Variants in SUPT3H observed in about 807,000 individuals in gnomAD.
SUPT3H encodes SPT3 homolog, SAGA and STAGA complex component.
Under a neutral mutation model 44.3 loss-of-function variants are expected in SUPT3H, and 44 were observed. The observed-to-expected ratio is 0.99, with a 90% CI of 0.78 to 1.28. The LOEUF (loss-of-function observed/expected upper bound fraction) is 1.28, where lower values mean the gene tolerates loss of function less well. Ranked by LOEUF, SUPT3H falls within the 50% of genes most tolerant of loss-of-function variation. The pLI, the probability that SUPT3H is intolerant of heterozygous loss-of-function variation, is 0.00. For synonymous variants in SUPT3H, 124 were observed against 125.6 expected (o/e 0.99, Z 0.09); for missense variants, 380 against 387.1 (o/e 0.98, Z 0.15).
At chr6:45,243,643 C>T (rs981411196) in intron 2 of SUPT3H, among the ~76,000 whole-genome samples, 4 of 152,110 alleles carry the variant, frequency 2.6e-5, no homozygotes, top group South Asian at 4.1e-4. Flanking sequence ...AATTCAACAA[C>T]TGAGATGAGA....
rs34936776 is a variant in SUPT3H, at chr6:45,053,217, C to CTT, written c.187-32587_187-32586dup. Among the ~76,000 whole-genome samples the CTT allele has an allele frequency of 3.4e-3, 495 of 145,278 alleles. 5 individuals carry two copies. The highest frequency in any genetic ancestry group is 0.011 in the African/African-American group (439 of 39,676). On this transcript the variant is annotated intron_variant, in intron 3 of 10. Transcript: ENST00000371459. ...GCCCAGCTTTTTTGTTTTGTTTTGCCTTTTTTTTTTTGTGGTATAGATGGG... is the reference window on the plus strand; with the variant it reads ...GCCCAGCTTTTTTGTTTTGTTTTGCCTTTTTTTTTTTTTGTGGTATAGATGGG...
intron 2 of SUPT3H, among the ~76,000 whole-genome samples, chr6:45,220,429 A>G: frequency 6.6e-6 from 1 of 152,140 alleles, no homozygotes; most frequent in East Asian, 1.9e-4. Context: ...CATCAAGGGA[A>G]ACTTTCCCAA....
In SUPT3H at chr6:44,833,606, G is replaced by T. The variant is rs142814746; in HGVS notation, c.913-3749C>A. Among the ~76,000 whole-genome samples the T allele has an allele frequency of 1.6e-3, 250 of 152,204 alleles. 2 individuals are homozygous for T. Among genetic ancestry groups the T allele is most frequent in the African/African-American group, 5.7e-3 (236 of 41,542 alleles). On this transcript the variant is annotated intron_variant, in intron 10 of 10. Coordinates refer to ENST00000371459, the MANE Select transcript of SUPT3H (RefSeq NM_003599.4). Reference sequence around the variant, plus strand: ...ATTTCTCAAAGTAGGGAGGGGCAAAGATTAAAAAATGCTGAGATACATGGT... The same window carrying T: ...ATTTCTCAAAGTAGGGAGGGGCAAATATTAAAAAATGCTGAGATACATGGT...
intron 2 of SUPT3H, among the ~76,000 whole-genome samples, chr6:45,179,721 A>T (rs1812759612): frequency 6.6e-6 from 1 of 152,230 alleles, no homozygotes; most frequent in Non-Finnish European, 1.5e-5. Flanking sequence ...GACGTATTTC[A>T]AAATAGTAAG....
intron 3 of SUPT3H, among the ~76,000 whole-genome samples, chr6:45,027,654 CT>C (rs1431954350): frequency 2.0e-5 from 3 of 152,184 alleles, no homozygotes; most frequent in Non-Finnish European, 2.9e-5. Context: ...ACTACAACAT[CT>C]TTTTCTCCCC....
At chr6:45,097,612 C>CA (rs1797971326) in intron 3 of SUPT3H, 1 of 152,216 alleles carries the variant, frequency 6.6e-6, no homozygotes, top group Non-Finnish European at 1.5e-5. Context: ...GTTACAATTA[C>CA]AGGTGACTGT....
At chr6:45,064,678 G>C (rs1324116658) in intron 3 of SUPT3H, among the ~76,000 whole-genome samples, 3 of 131,184 alleles carry the variant, frequency 2.3e-5, no homozygotes, top group Admixed American at 7.9e-5. Flanking sequence ...TGATAAAACA[G>C]ACTTTAAACC....
chr6:45,270,299 A>T (rs572237975), intron 2 of SUPT3H, among the ~76,000 whole-genome samples: 30 of 147,880 alleles, frequency 2.0e-4, no homozygotes, highest in African/African-American at 6.4e-4. Flanking sequence ...TAACTATATT[A>T]AAAAAAAAAG....
chr6:45,374,619 T>C (rs1241165787), intron 1 of SUPT3H, among the ~76,000 whole-genome samples: 1 of 152,208 alleles, frequency 6.6e-6, no homozygotes, highest in Non-Finnish European at 1.5e-5. Flanking sequence ...TTCTAATACA[T>C]AATCAGATTT....
chr6:45,256,096 G>A (rs1420930776), intron 2 of SUPT3H, among the ~76,000 whole-genome samples: 2 of 152,132 alleles, frequency 1.3e-5, no homozygotes, highest in Non-Finnish European at 2.9e-5. Context: ...GTGTGAACCC[G>A]GGAGGCGGGG....
chr6:45,176,267 C>A (rs1467833027), intron 2 of SUPT3H, among the ~76,000 whole-genome samples: 1 of 151,660 alleles, frequency 6.6e-6, no homozygotes, highest in African/African-American at 2.4e-5. Flanking sequence ...ACCTGGGAAG[C>A]GCGAGGGGTC....
At chr6:44,964,961 A>G (rs1582795501) in intron 6 of SUPT3H, among the ~76,000 whole-genome samples, 1 of 152,190 alleles carries the variant, frequency 6.6e-6, no homozygotes, top group East Asian at 1.9e-4. Context: ...AGGACTCCCA[A>G]TTCCTAAGTC....
intron 1 of SUPT3H, among the ~76,000 whole-genome samples, chr6:45,372,958 G>A (rs933794269): frequency 2.0e-5 from 3 of 151,968 alleles, no homozygotes; most frequent in East Asian, 3.9e-4. Flanking sequence ...GCAGGTGCAC[G>A]CCAAGACACG....
chr6:44,926,598 A>T (rs543499384), intron 10 of SUPT3H, among the ~76,000 whole-genome samples: 1 of 152,186 alleles, frequency 6.6e-6, no homozygotes, highest in East Asian at 1.9e-4. Context: ...GTAAATATAT[A>T]AAAATGTTCA....
At chr6:45,155,748 GA>G (rs1434647706) in intron 2 of SUPT3H, among the ~76,000 whole-genome samples, 2 of 152,054 alleles carry the variant, frequency 1.3e-5, no homozygotes, top group Non-Finnish European at 2.9e-5. Context: ...TAAATAAGGG[GA>G]AAAGGACTAA....
chr6:44,894,279 A>C (rs1293616445), intron 10 of SUPT3H, among the ~76,000 whole-genome samples: 2 of 151,174 alleles, frequency 1.3e-5, no homozygotes, highest in Admixed American at 1.3e-4. Flanking sequence ...TTGGTGTTTT[A>C]GACATGAAGT....
intron 10 of SUPT3H, among the ~76,000 whole-genome samples, chr6:44,870,555 T>C (rs1776213884): frequency 6.8e-6 from 1 of 145,990 alleles, no homozygotes; most frequent in African/African-American, 2.6e-5. Flanking sequence ...GCCGGGACTG[T>C]GCTACTATAC....
At chr6:45,177,382 A>G (rs1445044829) in intron 2 of SUPT3H, among the ~76,000 whole-genome samples, 1 of 152,214 alleles carries the variant, frequency 6.6e-6, no homozygotes, top group African/African-American at 2.4e-5. Context: ...AAGAATAAAA[A>G]GAAACGAGTA....
intron 2 of SUPT3H, among the ~76,000 whole-genome samples, chr6:45,343,901 C>T (rs1028315771): frequency 6.6e-5 from 10 of 152,258 alleles, no homozygotes; most frequent in African/African-American, 9.6e-5. Context: ...TCAAAGACCT[C>T]CACCTGACAG....
Sources: allele counts gnomAD v4.1 joint callset (sites outside exome capture counted in the v4.1 genomes callset), GRCh38; gene constraint gnomAD v4.1.1; transcripts MANE v1.5; gene names NCBI Gene and HGNC (gene_info 2026-07-23, HGNC 2026-07-21).